The following PDE7B variants were observed in gnomAD, a reference collection of about 807,000 sequenced individuals.
PDE7B encodes 3',5'-cyclic-AMP phosphodiesterase 7B.
A neutral mutation model predicts 56.2 loss-of-function variants in PDE7B; 29 were observed. The observed-to-expected ratio is 0.52, with a 90% CI of 0.38 to 0.70. PDE7B has a LOEUF of 0.70. Ranked by LOEUF, PDE7B falls within the 30% of genes least tolerant of loss-of-function variation. The pLI, the probability that PDE7B is intolerant of heterozygous loss-of-function variation, is 0.00. For missense variants in PDE7B, 490 were observed against 565.0 expected, an observed-to-expected ratio of 0.87 and a Z score of 1.35; for synonymous variants, 197 against 196.9, an observed-to-expected ratio of 1.00 and a Z score of 0.00.
chr6:136,143,603 T>C (rs1293888621), intron 3 of PDE7B, among the ~76,000 whole-genome samples: 1 of 152,100 alleles, frequency 6.6e-6, no homozygotes, highest in African/African-American at 2.4e-5. Flanking sequence ...TTACTATTAT[T>C]CATTTGACTC....
At chr6:136,094,161 C>G (rs1360381401) in intron 2 of PDE7B, 2 of 152,300 alleles carry the variant, frequency 1.3e-5, no homozygotes, top group Admixed American at 6.5e-5. Context: ...AGCCAGCTCC[C>G]TTCAACCTTT....
At chr6:135,900,409 C>G (rs1013832818) in intron 1 of PDE7B, among the ~76,000 whole-genome samples, 1 of 151,942 alleles carries the variant, frequency 6.6e-6, no homozygotes, top group Non-Finnish European at 1.5e-5. Flanking sequence ...TAGCTACATT[C>G]CTAAAGATTT....
At chr6:135,925,371 A>G (rs1774166272) in intron 1 of PDE7B, among the ~76,000 whole-genome samples, 1 of 152,172 alleles carries the variant, frequency 6.6e-6, no homozygotes, top group African/African-American at 2.4e-5. Flanking sequence ...TCAGCTAGAT[A>G]GTCACTTTAG....
At chr6:136,093,763 GT>G (rs1266089887) in intron 2 of PDE7B, among the ~76,000 whole-genome samples, 1 of 152,208 alleles carries the variant, frequency 6.6e-6, no homozygotes, top group Non-Finnish European at 1.5e-5. Flanking sequence ...GCAGGACCTG[GT>G]TTACAGGGAA....
chr6:136,052,941 C>T (rs1233033602), intron 2 of PDE7B, among the ~76,000 whole-genome samples: 1 of 152,052 alleles, frequency 6.6e-6, no homozygotes, highest in Admixed American at 6.6e-5. Context: ...TATGTCAGAC[C>T]TGTCCCAAGG....
At chr6:136,071,994 T>G (rs1466961260) in intron 2 of PDE7B, among the ~76,000 whole-genome samples, 30 of 152,208 alleles carry the variant, frequency 2.0e-4, no homozygotes, top group Admixed American at 2.0e-3. Context: ...AAGAATTAAA[T>G]GAGGTGACCC....
intron 1 of PDE7B, among the ~76,000 whole-genome samples, chr6:135,930,359 G>C (rs1471872021): frequency 2.0e-5 from 3 of 152,142 alleles, no homozygotes; most frequent in Non-Finnish European, 4.4e-5. Flanking sequence ...TGAGATTTGG[G>C]TGGGGACACA....
intron 1 of PDE7B, 114 bp downstream of exon 1, chr6:135,852,133 G>C: frequency 1.3e-6 from 1 of 780,446 alleles, no homozygotes; most frequent in Non-Finnish European, 2.3e-6. Flanking sequence ...TTTTTTGTCT[G>C]TGATTGTTAC....
intron 1 of PDE7B, among the ~76,000 whole-genome samples, chr6:135,905,348 ATGTGTGTGTGTGTG>A (rs71682918): frequency 1.3e-5 from 2 of 148,256 alleles, no homozygotes; most frequent in African/African-American, 4.9e-5. Flanking sequence ...GTGTGTGTGT[ATGTGTGTGTGTGTG>A]TGTGTGTGTG....
intron 2 of PDE7B, among the ~76,000 whole-genome samples, chr6:136,026,604 C>G (rs984051540): frequency 3.9e-5 from 6 of 152,188 alleles, no homozygotes; most frequent in African/African-American, 1.4e-4. Context: ...ACAGGCAGTA[C>G]AGCAGAGTGC....
intron 1 of PDE7B, among the ~76,000 whole-genome samples, chr6:135,875,566 T>C (rs1775476539): frequency 6.6e-6 from 1 of 152,206 alleles, no homozygotes; most frequent in African/African-American, 2.4e-5. Context: ...AACCCTGAAC[T>C]ATTATCTTTT....
intron 3 of PDE7B, among the ~76,000 whole-genome samples, chr6:136,144,628 C>T (rs938355223): frequency 1.2e-4 from 18 of 151,992 alleles, no homozygotes; most frequent in African/African-American, 4.1e-4. Context: ...ATACAGAATC[C>T]AGTTAAGGGT....
chr6:136,126,094 C>T (rs896525453), intron 3 of PDE7B, among the ~76,000 whole-genome samples: 14 of 152,136 alleles, frequency 9.2e-5, no homozygotes, highest in African/African-American at 2.9e-4. Context: ...TGAAGGCCTA[C>T]GGATATGGTC....
chr6:135,998,863 A>C (rs1775615314), intron 2 of PDE7B, among the ~76,000 whole-genome samples: 1 of 152,192 alleles, frequency 6.6e-6, no homozygotes, highest in South Asian at 2.1e-4. Context: ...TAGTGAAAGA[A>C]AGAAAAAGAG....
chr6:135,886,038 C>T (rs1775702843), intron 1 of PDE7B, among the ~76,000 whole-genome samples: 1 of 152,156 alleles, frequency 6.6e-6, no homozygotes, highest in Non-Finnish European at 1.5e-5. Flanking sequence ...CTGCTAGTTT[C>T]TTGCCTAACC....
chr6:136,018,512 G>A (rs1023199462), intron 2 of PDE7B, among the ~76,000 whole-genome samples: 37 of 152,130 alleles, frequency 2.4e-4, no homozygotes, highest in African/African-American at 8.9e-4. Flanking sequence ...AGGAAAAGAA[G>A]GCCAACACTT....
At chr6:136,154,713 G>T (rs1583912652) in intron 7 of PDE7B, among the ~76,000 whole-genome samples, 1 of 152,154 alleles carries the variant, frequency 6.6e-6, no homozygotes, top group Non-Finnish European at 1.5e-5. Context: ...CCAACCCAAA[G>T]TTAAAAATTA....
intron 3 of PDE7B, among the ~76,000 whole-genome samples, chr6:136,143,581 G>T (rs1318972251): frequency 6.6e-6 from 1 of 151,996 alleles, no homozygotes; most frequent in Non-Finnish European, 1.5e-5. Flanking sequence ...CTGTCATGTT[G>T]CTGAACTAAT....
At chr6:135,872,588 G>A (rs1488624427) in intron 1 of PDE7B, among the ~76,000 whole-genome samples, 1 of 152,080 alleles carries the variant, frequency 6.6e-6, no homozygotes, top group African/African-American at 2.4e-5. Context: ...AATGCTCTTT[G>A]CTTCAAGACC....
Sources: gnomAD v4.1 joint callset for allele counts (sites outside exome capture counted in the v4.1 genomes callset) on GRCh38, gnomAD v4.1.1 for gene constraint, MANE v1.5 for transcripts, NCBI Gene and HGNC (gene_info 2026-07-23, HGNC 2026-07-21) for gene names.